Variants in DMD observed in about 807,000 individuals in gnomAD.
The protein encoded by DMD is dystrophin.
DMD carries 63 observed loss-of-function variants against 330.1 expected under a neutral mutation model. The ratio of observed to expected loss-of-function variants is 0.19; its 90% CI spans 0.16 to 0.24. DMD has a LOEUF of 0.24. Among genes scored for constraint, DMD ranks in the 10% least tolerant of loss-of-function variants. The probability of loss-of-function intolerance (pLI) is 1.00; values close to 1 mark genes in which losing one functional copy is unlikely to be tolerated. For synonymous variants in DMD, 1,223 were observed against 959.8 expected (o/e 1.27, Z -5.07); for missense variants, 3,344 against 2,684.1 (o/e 1.25, Z -5.43).
intron 2 of DMD, among the ~76,000 whole-genome samples, chrX:32,880,637 C>G (rs1272737534): frequency 8.9e-6 from 1 of 112,625 alleles, no homozygotes; most frequent in African/African-American, 3.2e-5. Flanking sequence ...AATCTCAAAA[C>G]TGAGTTAAAA....
At chrX:33,050,793 C>T (rs2094447085) in intron 1 of DMD, among the ~76,000 whole-genome samples, 1 of 111,945 alleles carries the variant, frequency 8.9e-6, no homozygotes, top group Admixed American at 9.5e-5. Context: ...TTTTAGTGTT[C>T]ATAACAAGAT....
chrX:31,763,012 A>C (rs772724585), intron 51 of DMD, among the ~76,000 whole-genome samples: 1 of 112,444 alleles, frequency 8.9e-6, no homozygotes, highest in South Asian at 3.6e-4. Flanking sequence ...TAAAACTAGT[A>C]ATCTGTGAAG....
chrX:31,177,623 A>C (rs1042865465), intron 71 of DMD, among the ~76,000 whole-genome samples: 1 of 111,177 alleles, frequency 9.0e-6, no homozygotes, highest in African/African-American at 3.3e-5. Context: ...CATGTCTCCC[A>C]GGAATACAGC....
rs377615262 is a variant in DMD, at chrX:32,132,993, C to CTTTTTTTTTTTTTTTTTTTTTTTTTTT, written c.6438+83896_6438+83922dup. On this transcript the variant is annotated intron_variant, in intron 44 of 78. Transcript: ENST00000357033. Reference sequence around the variant, plus strand: ...TCTCATTGATCACTCCTTTTCTTTTCTTTTTTTTTTTTTTTTTTTTTTTTT... The same window carrying CTTTTTTTTTTTTTTTTTTTTTTTTTTT: ...TCTCATTGATCACTCCTTTTCTTTTCTTTTTTTTTTTTTTTTTTTTTTTTTTTTTTTTTTTTTTTTTTTTTTTTTTTT... Among the ~76,000 whole-genome samples the CTTTTTTTTTTTTTTTTTTTTTTTTTTT allele has an allele frequency of 9.2e-5, 7 of 75,977 alleles. 2 individuals carry two copies. The highest frequency in any genetic ancestry group is 4.1e-4 in the African/African-American group (6 of 14,543). 66.0% of individuals were successfully genotyped at this position (75,977 alleles called of 115,157 possible). A position where few individuals can be genotyped will look rare whatever the true frequency, so the allele number is the denominator to read the frequency against.
At chrX:31,959,401 G>T (rs2095278352) in intron 45 of DMD, among the ~76,000 whole-genome samples, 1 of 111,564 alleles carries the variant, frequency 9.0e-6, no homozygotes, top group Non-Finnish European at 1.9e-5. Flanking sequence ...TAGGGTAAGT[G>T]GATAGGCGGT....
chrX:33,044,198 G>A (rs986802243), intron 1 of DMD, among the ~76,000 whole-genome samples: 14 of 111,760 alleles, frequency 1.3e-4, no homozygotes, highest in Middle Eastern at 4.2e-3. Flanking sequence ...TTGGGAAGCC[G>A]AGGCAGGTGG....
intron 34 of DMD, among the ~76,000 whole-genome samples, chrX:32,369,372 T>C (rs1289416818): frequency 8.9e-6 from 1 of 111,742 alleles, no homozygotes; most frequent in Non-Finnish European, 1.9e-5. Flanking sequence ...ATTCCCCATA[T>C]CTACAAGTAT....
intron 43 of DMD, among the ~76,000 whole-genome samples, chrX:32,283,123 G>A (rs1487890379): frequency 1.8e-5 from 2 of 111,383 alleles, no homozygotes; most frequent in Non-Finnish European, 3.8e-5. Context: ...CTTCATCTTA[G>A]GTCCAGAGCA....
intron 1 of DMD, among the ~76,000 whole-genome samples, chrX:33,080,100 C>T (rs2094905104): frequency 8.9e-6 from 1 of 112,461 alleles, no homozygotes; most frequent in African/African-American, 3.2e-5. Flanking sequence ...GTGACATTCT[C>T]ATAAACTTTT....
intron 30 of DMD, among the ~76,000 whole-genome samples, chrX:32,394,437 A>G (rs1011923484): frequency 1.8e-5 from 2 of 112,279 alleles, no homozygotes; most frequent in South Asian, 7.3e-4. Context: ...GATAATAGCA[A>G]GCCAGCAATG....
rs375082522 is a variant in DMD, at chrX:31,498,053, T to C, written c.8391-1109A>G. ...AAACAGAATCACCAAAGAATACTTA[T>C]CTACTGAAATTAAATTGTTCCAAAC... is the stretch of plus-strand genomic sequence containing the variant. On this transcript the variant is annotated intron_variant, in intron 56 of 78. Transcript: ENST00000357033. Among the ~76,000 whole-genome samples, 48 of 112,217 alleles carry C rather than the reference T, an allele frequency of 4.3e-4. No homozygotes were observed. The East Asian group carries it at 0.012, about 28-fold the overall frequency.
At chrX:31,145,154 T>C (rs1212855121) in intron 76 of DMD, among the ~76,000 whole-genome samples, 1 of 112,374 alleles carries the variant, frequency 8.9e-6, no homozygotes, top group Non-Finnish European at 1.9e-5. Context: ...GATTACCTAG[T>C]CTTTCATTTC....
At chrX:31,898,569 T>C (rs2094379652) in intron 47 of DMD, among the ~76,000 whole-genome samples, 1 of 111,765 alleles carries the variant, frequency 8.9e-6, no homozygotes, top group Non-Finnish European at 1.9e-5. Flanking sequence ...TAGCCATACG[T>C]AGAAAGCTGA....
chrX:32,887,278 C>T (rs2084691511), intron 2 of DMD, among the ~76,000 whole-genome samples: 1 of 109,181 alleles, frequency 9.2e-6, no homozygotes, highest in African/African-American at 3.3e-5. Context: ...ACCCGGGAGG[C>T]GGAGCTTGCA....
At chrX:33,148,030 C>T (rs2048110985) in intron 1 of DMD, among the ~76,000 whole-genome samples, 2 of 111,489 alleles carry the variant, frequency 1.8e-5, no homozygotes, top group Admixed American at 1.9e-4. Context: ...ACTGCATCTG[C>T]CAGAGAATGC....
chrX:31,767,847 C>T (rs1386652506), intron 51 of DMD, among the ~76,000 whole-genome samples: 1 of 111,800 alleles, frequency 8.9e-6, no homozygotes, highest in Non-Finnish European at 1.9e-5. Context: ...TTTTTAAGTA[C>T]TTTGACCTTA....
intron 1 of DMD, among the ~76,000 whole-genome samples, chrX:33,133,882 C>T (rs2095512197): frequency 9.0e-6 from 1 of 111,681 alleles, no homozygotes; most frequent in Admixed American, 9.6e-5. Flanking sequence ...ATATCTTTCC[C>T]ATAGGGTTAC....
chrX:33,211,156 A>C, intron 1 of DMD, 126 bp downstream of exon 1: 1 of 791,506 alleles, frequency 1.3e-6, no homozygotes. Context: ...TATGCAGTAT[A>C]TATAACATTT....
At chrX:31,989,782 A>C (rs915096520) in intron 44 of DMD, among the ~76,000 whole-genome samples, 1 of 111,802 alleles carries the variant, frequency 8.9e-6, no homozygotes, top group African/African-American at 3.3e-5. Flanking sequence ...GGTATTTATT[A>C]GATTATATAC....
Sources: gnomAD v4.1 joint callset for allele counts (sites outside exome capture counted in the v4.1 genomes callset) on GRCh38, gnomAD v4.1.1 for gene constraint, MANE v1.5 for transcripts, NCBI Gene and HGNC (gene_info 2026-07-23, HGNC 2026-07-21) for gene names.